The following CTNNA2 variants were observed in gnomAD, a reference collection of about 807,000 sequenced individuals.
The protein encoded by CTNNA2 is catenin alpha-2.
Under a neutral mutation model 101.0 loss-of-function variants are expected in CTNNA2, and 42 were observed. That is an observed-to-expected ratio of 0.42 (90% CI 0.32 to 0.54). CTNNA2 has a LOEUF of 0.54. Ranked by LOEUF, CTNNA2 falls within the 20% of genes least tolerant of loss-of-function variation. The pLI is 0.14. For synonymous variants in CTNNA2, 450 were observed against 456.4 expected (o/e 0.99, Z 0.18); for missense variants, 871 against 1,223.1 (o/e 0.71, Z 4.29).
intron 2 of CTNNA2, among the ~76,000 whole-genome samples, chr2:79,679,477 T>C (rs1683409348): frequency 6.6e-6 from 1 of 151,966 alleles, no homozygotes; most frequent in East Asian, 1.9e-4. Flanking sequence ...ACCATGGCGG[T>C]CATGAAAGAC....
At chr2:79,675,080 A>G (rs1490713266) in intron 2 of CTNNA2, among the ~76,000 whole-genome samples, 1 of 152,210 alleles carries the variant, frequency 6.6e-6, no homozygotes, top group Non-Finnish European at 1.5e-5. Context: ...TTAGTTATAT[A>G]TCTTTTTGAT....
chr2:79,194,995 G>T (rs1265532547), intron 1 of CTNNA2, among the ~76,000 whole-genome samples: 1 of 152,040 alleles, frequency 6.6e-6, no homozygotes, highest in African/African-American at 2.4e-5. Context: ...GGGGAATAAG[G>T]CTCACATCGC....
intron 7 of CTNNA2, among the ~76,000 whole-genome samples, chr2:80,244,798 T>G (rs6704690): frequency 0.13 from 19,783 of 152,150 alleles, 3,114 homozygotes; most frequent in African/African-American, 0.38. Flanking sequence ...TTATCCCAGA[T>G]CTAACCATCC....
chr2:79,718,877 A>C (rs532358662), intron 2 of CTNNA2, among the ~76,000 whole-genome samples: 37 of 151,806 alleles, frequency 2.4e-4, no homozygotes, highest in African/African-American at 8.9e-4. Context: ...TGTTTTAATA[A>C]GGACAGTTAA....
chr2:79,923,276 A>C (rs886864772), intron 7 of CTNNA2, among the ~76,000 whole-genome samples: 1 of 152,174 alleles, frequency 6.6e-6, no homozygotes, highest in Non-Finnish European at 1.5e-5. Context: ...CATAGCAGCC[A>C]GCACTAGTAT....
At chr2:79,418,344 A>C (rs905440368) in intron 4 of CTNNA2, among the ~76,000 whole-genome samples, 1 of 152,108 alleles carries the variant, frequency 6.6e-6, no homozygotes, top group African/African-American at 2.4e-5. Flanking sequence ...AGCTTTACAA[A>C]GGTGGTTGGT....
At chr2:79,921,870 G>T (rs548469948) in intron 7 of CTNNA2, among the ~76,000 whole-genome samples, 2 of 152,252 alleles carry the variant, frequency 1.3e-5, no homozygotes, top group Admixed American at 6.5e-5. Flanking sequence ...TTGCCCGACT[G>T]CTCCTGCAAT....
intron 7 of CTNNA2, among the ~76,000 whole-genome samples, chr2:80,312,033 G>A (rs919260968): frequency 9.9e-5 from 15 of 152,140 alleles, no homozygotes; most frequent in Admixed American, 2.0e-4. Context: ...CTTGCTATTA[G>A]CAAATTTCAC....
chr2:79,654,260 C>T (rs897413489), intron 2 of CTNNA2, among the ~76,000 whole-genome samples: 2 of 152,186 alleles, frequency 1.3e-5, no homozygotes, highest in African/African-American at 4.8e-5. Flanking sequence ...TTCCAAGTAC[C>T]AAAATCTGTG....
chr2:80,641,685 ATTAC>A (rs1355556201), intron 18 of CTNNA2, among the ~76,000 whole-genome samples: 4 of 152,154 alleles, frequency 2.6e-5, no homozygotes, highest in Admixed American at 2.0e-4. Flanking sequence ...AAGATTGCTA[ATTAC>A]TTAACTATTC....
At chr2:79,740,025 ATTT>A (rs760834813) in intron 2 of CTNNA2, among the ~76,000 whole-genome samples, 1 of 152,080 alleles carries the variant, frequency 6.6e-6, no homozygotes, top group Non-Finnish European at 1.5e-5. Flanking sequence ...TTTAACTTTT[ATTT>A]TAAGTTCAGA....
chr2:80,011,647 G>C (rs1693793846), intron 7 of CTNNA2, among the ~76,000 whole-genome samples: 1 of 152,098 alleles, frequency 6.6e-6, no homozygotes, highest in Non-Finnish European at 1.5e-5. Context: ...GTTTTTTCTT[G>C]TTGTTGTTTG....
intron 2 of CTNNA2, among the ~76,000 whole-genome samples, chr2:79,305,083 C>G (rs1347712813): frequency 1.3e-5 from 2 of 151,962 alleles, no homozygotes; most frequent in Non-Finnish European, 2.9e-5. Flanking sequence ...AAGGGGAATT[C>G]TGTGTGTACA....
At chr2:79,331,668 G>C (rs1676875379) in intron 3 of CTNNA2, among the ~76,000 whole-genome samples, 1 of 152,104 alleles carries the variant, frequency 6.6e-6, no homozygotes, top group Non-Finnish European at 1.5e-5. Context: ...CTTGGTCCCT[G>C]TGCATAGGGA....
intron 9 of CTNNA2, among the ~76,000 whole-genome samples, chr2:80,517,905 T>A (rs1474598741): frequency 1.3e-5 from 2 of 152,214 alleles, no homozygotes; most frequent in Non-Finnish European, 2.9e-5. Flanking sequence ...AAACATTGGC[T>A]TGTCAGTATG....
rs377545187 is a variant in CTNNA2 at position 80,360,545 on chromosome 2, G to A, written c.1057-32666G>A. ...GAATTTCAACCACAGGAGCATCTTA[G>A]ACTAATTTTAGGTCATAATACTAAC... On this transcript the variant is annotated intron_variant, in intron 7 of 18. Coordinates refer to ENST00000402739, the MANE Select transcript of CTNNA2 (RefSeq NM_001282597.3). 5.8e-4 allele frequency among the ~76,000 whole-genome samples: 89 copies of A among 152,160 alleles called. No individual in the cohort carries two copies. In the South Asian group the frequency reaches 0.018, roughly 31 times the overall value.
rs146349998 is a variant in CTNNA2 at position 80,414,994 on chromosome 2, A to G, written c.1138-4455A>G. On this transcript the variant is annotated intron_variant, in intron 8 of 18. Coordinates refer to ENST00000402739, the MANE Select transcript of CTNNA2 (RefSeq NM_001282597.3). ...GTACTGGTCAGTGGCCCACACTTCTAGTAGAAAGGATCTAAATAAGGGAAG... is the reference window on the plus strand; with the variant it reads ...GTACTGGTCAGTGGCCCACACTTCTGGTAGAAAGGATCTAAATAAGGGAAG... 2.7e-3 allele frequency among the ~76,000 whole-genome samples: 408 copies of G among 152,320 alleles called. 5 individuals carry two copies. Among genetic ancestry groups the G allele is most frequent in the African/African-American group, 9.0e-3 (376 of 41,586 alleles).
intron 3 of CTNNA2, among the ~76,000 whole-genome samples, chr2:79,770,264 C>T (rs1002303199): frequency 6.6e-6 from 1 of 152,122 alleles, no homozygotes; most frequent in Non-Finnish European, 1.5e-5. Context: ...ATTTTTGAGA[C>T]GAGGATTGCT....
intron 4 of CTNNA2, among the ~76,000 whole-genome samples, chr2:79,385,067 G>A (rs1027415622): frequency 2.6e-5 from 4 of 152,144 alleles, no homozygotes; most frequent in Non-Finnish European, 1.5e-5. Flanking sequence ...TGACTTACTT[G>A]CTTTTTACTA....
Sources: gnomAD v4.1 joint callset for allele counts (sites outside exome capture counted in the v4.1 genomes callset) on GRCh38, gnomAD v4.1.1 for gene constraint, MANE v1.5 for transcripts, NCBI Gene and HGNC (gene_info 2026-07-23, HGNC 2026-07-21) for gene names.